The following NOSTRIN variants were observed in gnomAD, a reference collection of about 807,000 sequenced individuals.
NOSTRIN encodes the protein BM247 homolog.
Under a neutral mutation model 59.0 loss-of-function variants are expected in NOSTRIN, and 63 were observed. That is an observed-to-expected ratio of 1.07 (90% CI 0.87 to 1.32). The LOEUF (loss-of-function observed/expected upper bound fraction) is 1.32, where lower values mean the gene tolerates loss of function less well. NOSTRIN is among the 40% of genes most tolerant of loss of function. The pLI is 0.00. For missense variants in NOSTRIN, 512 were observed against 473.1 expected (o/e 1.08, Z -0.76); for synonymous variants, 200 against 165.4 (o/e 1.21, Z -1.61).
At chr2:168,817,082 A>G (rs546833621) in intron 2 of NOSTRIN, among the ~76,000 whole-genome samples, 9 of 152,300 alleles carry the variant, frequency 5.9e-5, no homozygotes, top group Non-Finnish European at 1.2e-4. Flanking sequence ...CTTATACTTG[A>G]TCTCTTTAAT....
intron 15 of NOSTRIN, among the ~76,000 whole-genome samples, chr2:168,864,601 A>G (rs975855026): frequency 6.6e-6 from 1 of 152,162 alleles, no homozygotes; most frequent in African/African-American, 2.4e-5. Flanking sequence ...GTCTTTAAGC[A>G]ATTATTTTAT....
intron 12 of NOSTRIN, chr2:168,859,245 C>A: frequency 3.2e-6 from 1 of 313,554 alleles, no homozygotes; most frequent in Non-Finnish European, 5.8e-6. Context: ...CTCTTCATTG[C>A]CATAAAATAC....
chr2:168,830,397 G>T (rs188977496), intron 5 of NOSTRIN, among the ~76,000 whole-genome samples: 1 of 152,194 alleles, frequency 6.6e-6, no homozygotes, highest in African/African-American at 2.4e-5. Context: ...TTTCTAAAGT[G>T]ACCTTGTTCC....
intron 2 of NOSTRIN, among the ~76,000 whole-genome samples, chr2:168,818,531 C>A (rs1686543922): frequency 6.6e-6 from 1 of 152,182 alleles, no homozygotes; most frequent in Admixed American, 6.5e-5. Context: ...TTTTCATTAT[C>A]TTAGTTTTAC....
At chr2:168,832,111 A>T (rs1458996661) in intron 6 of NOSTRIN, among the ~76,000 whole-genome samples, 1 of 152,218 alleles carries the variant, frequency 6.6e-6, no homozygotes, top group East Asian at 1.9e-4. Flanking sequence ...GGATGCGTAT[A>T]TCAATTTCAT....
At chr2:168,829,025 T>C (rs932623625) in intron 5 of NOSTRIN, among the ~76,000 whole-genome samples, 4 of 152,174 alleles carry the variant, frequency 2.6e-5, no homozygotes, top group Non-Finnish European at 5.9e-5. Flanking sequence ...TTTGCATTTT[T>C]AAAATAATTT....
chr2:168,794,353 ATTT>A (rs61395235), upstream of NOSTRIN, among the ~76,000 whole-genome samples: 2 of 141,626 alleles, frequency 1.4e-5, no homozygotes, highest in Non-Finnish European at 1.5e-5. Context: ...AAAAGGGATG[ATTT>A]TTTTTTTTTT....
intron 10 of NOSTRIN, among the ~76,000 whole-genome samples, chr2:168,853,680 T>TC (rs1478036475): frequency 2.0e-5 from 3 of 152,170 alleles, no homozygotes; most frequent in African/African-American, 4.8e-5. Flanking sequence ...GTTAGGTGTC[T>TC]TAGCAGTTTA....
At position 168,851,288 on chromosome 2, in the gene NOSTRIN, C is replaced by G; in HGVS notation, c.739C>G (p.Gln247Glu). 1.9e-6 allele frequency: 3 copies of G among 1,613,792 alleles called. No homozygotes were observed. The South Asian group carries it at 3.3e-5, about 18-fold the overall frequency. The change falls in exon 10 of 16, where the codon CAG becomes GAG. Residue 247 changes from glutamine (Q) to glutamate (E), a missense_variant. Physicochemically the swap from Gln to Glu is conservative, Grantham distance 29. Coordinates refer to ENST00000317647, the MANE Select transcript of NOSTRIN (RefSeq NM_001039724.4). ...FGQTLTTCHTQIHCAISKIDI... is the reference protein window; with the variant it reads ...FGQTLTTCHTEIHCAISKIDI... ...CCCCTTGGCATTGCAGTGCCACACG[C>G]AGATTCACTGTGCCATCAGCAAGAT...
At position 168,836,535 on chromosome 2, in the gene NOSTRIN, A is replaced by C. The variant is rs138649571; in HGVS notation, c.504+2210A>C. On this transcript the variant is annotated intron_variant, in intron 7 of 15. Transcript: ENST00000317647. ...TTTCTCATCTCACATAGAAGCGCTC[A>C]TGATCACCTGAGCTGATGCTCTGTG... 1.9e-3 allele frequency among the ~76,000 whole-genome samples: 295 copies of C among 152,302 alleles called. 3 individuals are homozygous for C. Among genetic ancestry groups the C allele is most frequent in the African/African-American group, 6.5e-3 (269 of 41,570 alleles).
chr2:168,819,416 T>C (rs1686596901), intron 2 of NOSTRIN, among the ~76,000 whole-genome samples: 1 of 152,206 alleles, frequency 6.6e-6, no homozygotes, highest in South Asian at 2.1e-4. Flanking sequence ...TTTGCAAACA[T>C]TCTGACTTAC....
chr2:168,860,669 T>TAAAA, intron 13 of NOSTRIN, 126 bp from the exon 14 acceptor site: 2 of 553,236 alleles, frequency 3.6e-6, no homozygotes, highest in South Asian at 2.5e-5. Flanking sequence ...AGACTCTGTC[T>TAAAA]AAAAAAAAAA....
At chr2:168,831,404 A>G (rs1574291719) in intron 5 of NOSTRIN, 68 bp from the exon 6 acceptor site, 4 of 804,942 alleles carry the variant, frequency 5.0e-6, no homozygotes, top group Admixed American at 1.7e-5. Flanking sequence ...GGGCACGAAC[A>G]TTTAGTCTAT....
At chr2:168,839,313 G>C (rs1574305988) in intron 7 of NOSTRIN, among the ~76,000 whole-genome samples, 2 of 152,116 alleles carry the variant, frequency 1.3e-5, no homozygotes, top group Admixed American at 6.5e-5. Flanking sequence ...CCAAATTATA[G>C]CTTAAATGTC....
chr2:168,808,278 C>A (rs1306353840), intron 1 of NOSTRIN, among the ~76,000 whole-genome samples: 1 of 152,210 alleles, frequency 6.6e-6, no homozygotes, highest in African/African-American at 2.4e-5. Context: ...TAGGTAACTT[C>A]TATGTGCAGA....
At chr2:168,830,956 C>G (rs935002971) in intron 5 of NOSTRIN, among the ~76,000 whole-genome samples, 2 of 152,128 alleles carry the variant, frequency 1.3e-5, no homozygotes, top group African/African-American at 2.4e-5. Flanking sequence ...TTACCAAGTC[C>G]TGTTACTTGA....
rs575863379 is a variant in NOSTRIN at position 168,817,951 on chromosome 2, A to G, written c.113+6299A>G. Among the ~76,000 whole-genome samples the G allele has an allele frequency of 7.2e-5, 11 of 152,348 alleles. No individual in the cohort carries two copies. The South Asian group carries it at 2.1e-3, about 29-fold the overall frequency. ...AGCTTGTGATGGTCTTTCAAAAGAC[A>G]TACCAATGAAGTTTGGATAGAAAAT... On this transcript the variant is annotated intron_variant, in intron 2 of 15. Coordinates refer to ENST00000317647, the MANE Select transcript of NOSTRIN (RefSeq NM_001039724.4).
In NOSTRIN at chr2:168,811,608, T is replaced by C. The variant is rs1320924366; in HGVS notation, c.69T>C (p.Asn23=). The change falls in exon 2 of 16, where the codon AAT becomes AAC. Residue 23 remains asparagine (N), a synonymous_variant. Transcript: ENST00000317647. ...AGAACCTAAAGGAGTTTTCTCAAAA[T>C]GGAGAGAATTTCTGCAAACAGGTCA... ...VYKNLKEFSQ[N]GENFCKQVTS... The C allele has an allele frequency of 2.3e-6, 2 of 864,176 alleles. No homozygotes were observed. Among genetic ancestry groups the C allele is most frequent in the Non-Finnish European group, 4.0e-6 (2 of 498,714 alleles). The allele number at this position is 864,176 out of a possible 1,614,324, so 53.5% of individuals were successfully genotyped here.
rs140472033 is a variant in NOSTRIN, at chr2:168,822,284, C to T, written c.114-2350C>T. ...TTTTCTGCAGCTAGGCCTTAGCATA[C>T]ATCCTGCAATGACTTTCTTACAAAA... On this transcript the variant is annotated intron_variant, in intron 2 of 15. Transcript: ENST00000317647. Among the ~76,000 whole-genome samples, 4 of 152,282 alleles carry T rather than the reference C, an allele frequency of 2.6e-5. No individual in the cohort carries two copies. In the East Asian group the frequency reaches 7.7e-4, roughly 29 times the overall value.
Sources: gnomAD v4.1 joint callset for allele counts (sites outside exome capture counted in the v4.1 genomes callset) on GRCh38, gnomAD v4.1.1 for gene constraint, MANE v1.5 for transcripts, NCBI Gene and HGNC (gene_info 2026-07-23, HGNC 2026-07-21) for gene names.